CNTN3: variants seen among roughly 807,000 people sequenced by gnomAD.
CNTN3 encodes the protein contactin-3.
CNTN3 carries 60 observed loss-of-function variants against 119.1 expected under a neutral mutation model. The ratio of observed to expected loss-of-function variants is 0.50; its 90% CI spans 0.41 to 0.62. The LOEUF (loss-of-function observed/expected upper bound fraction) is 0.62. CNTN3 is among the 20% of genes least tolerant of loss of function. The pLI, the probability that CNTN3 is intolerant of heterozygous loss-of-function variation, is 0.00. For missense variants in CNTN3, 1,101 were observed against 1,242.4 expected, an observed-to-expected ratio of 0.89 and a Z score of 1.71; for synonymous variants, 450 against 438.7, an observed-to-expected ratio of 1.03 and a Z score of -0.32.
At chr3:74,402,923 T>C (rs545664169) in intron 5 of CNTN3, among the ~76,000 whole-genome samples, 87 of 152,224 alleles carry the variant, frequency 5.7e-4, no homozygotes, top group African/African-American at 2.0e-3. Context: ...GCCCTAACAC[T>C]GGGCATGGTG....
chr3:74,459,251 C>T (rs1322111834), intron 4 of CNTN3, among the ~76,000 whole-genome samples: 1 of 151,990 alleles, frequency 6.6e-6, no homozygotes, highest in Non-Finnish European at 1.5e-5. Flanking sequence ...TCACTATCAT[C>T]CTTCACTCAC....
chr3:74,324,019 A>C (rs890552513), intron 13 of CNTN3, among the ~76,000 whole-genome samples: 1 of 152,136 alleles, frequency 6.6e-6, no homozygotes. Context: ...TTTAAAAAAA[A>C]CCATATATTA....
intron 11 of CNTN3, among the ~76,000 whole-genome samples, chr3:74,346,763 ATCCATC>A (rs1423714223): frequency 6.6e-6 from 1 of 151,596 alleles, no homozygotes; most frequent in African/African-American, 2.4e-5. Context: ...CCATCCATCC[ATCCATC>A]CATCCATCCA....
chr3:74,320,314 T>A (rs1475546038), intron 13 of CNTN3, among the ~76,000 whole-genome samples: 1 of 152,182 alleles, frequency 6.6e-6, no homozygotes, highest in Non-Finnish European at 1.5e-5. Flanking sequence ...GTGGCACATA[T>A]ACATCATGGA....
At chr3:74,375,628 G>C (rs1704459413) in intron 5 of CNTN3, among the ~76,000 whole-genome samples, 1 of 152,062 alleles carries the variant, frequency 6.6e-6, no homozygotes, top group Non-Finnish European at 1.5e-5. Context: ...CACAGAACCA[G>C]GTATGGTAGT....
chr3:74,358,488 T>C (rs2106764478), intron 11 of CNTN3, among the ~76,000 whole-genome samples: 1 of 151,104 alleles, frequency 6.6e-6, no homozygotes. Context: ...TGCAGTTAAA[T>C]GTGGCCAGGG....
chr3:74,449,789 T>C (rs184255448), intron 4 of CNTN3, among the ~76,000 whole-genome samples: 109 of 152,222 alleles, frequency 7.2e-4, no homozygotes, highest in Middle Eastern at 6.8e-3. Flanking sequence ...TCAGAATGAA[T>C]AGCTGAATAC....
chr3:74,464,615 A>G (rs533020389), intron 4 of CNTN3, among the ~76,000 whole-genome samples: 213 of 152,304 alleles, frequency 1.4e-3, no homozygotes, highest in African/African-American at 4.9e-3. Flanking sequence ...AGTAGGTGGC[A>G]TCTGAAAAGT....
At chr3:74,305,762 T>C (rs1702550903) in intron 13 of CNTN3, among the ~76,000 whole-genome samples, 1 of 150,944 alleles carries the variant, frequency 6.6e-6, no homozygotes, top group Non-Finnish European at 1.5e-5. Context: ...ATCTTCTGTT[T>C]CTGTTTTCAG....
At chr3:74,364,332 G>A (rs1230717493) in intron 10 of CNTN3, 135 bp downstream of exon 10, 19 of 795,664 alleles carry the variant, frequency 2.4e-5, no homozygotes, top group Admixed American at 1.1e-4. Flanking sequence ...ATTAGAAACT[G>A]AATGATCGTG....
intron 13 of CNTN3, among the ~76,000 whole-genome samples, chr3:74,321,352 G>A (rs1164690085): frequency 6.6e-6 from 1 of 151,950 alleles, no homozygotes; most frequent in Non-Finnish European, 1.5e-5. Flanking sequence ...ATTAAAAAAA[G>A]ATTTTGAACT....
At chr3:74,477,822 C>T (rs1443599509) in intron 4 of CNTN3, among the ~76,000 whole-genome samples, 1 of 151,668 alleles carries the variant, frequency 6.6e-6, no homozygotes. Context: ...TATACACCTA[C>T]TATGTAGCCA....
At chr3:74,461,869 C>G (rs1702373868) in intron 4 of CNTN3, among the ~76,000 whole-genome samples, 1 of 152,054 alleles carries the variant, frequency 6.6e-6, no homozygotes, top group Non-Finnish European at 1.5e-5. Context: ...TTCAACATAA[C>G]TACAAGCAAT....
chr3:74,298,871 G>C (rs1395497579), intron 17 of CNTN3, among the ~76,000 whole-genome samples: 1 of 141,220 alleles, frequency 7.1e-6, no homozygotes, highest in Non-Finnish European at 1.5e-5. Context: ...CTGGGTGACA[G>C]AGAGAGACTC....
intron 19 of CNTN3, among the ~76,000 whole-genome samples, chr3:74,287,390 A>G (rs1235449253): frequency 6.6e-6 from 1 of 152,218 alleles, no homozygotes; most frequent in African/African-American, 2.4e-5. Flanking sequence ...ATTTAAATTT[A>G]AAAATGAAAT....
intron 2 of CNTN3, among the ~76,000 whole-genome samples, chr3:74,514,789 G>GTA (rs1279189825): frequency 2.6e-5 from 4 of 152,016 alleles, no homozygotes; most frequent in Non-Finnish European, 5.9e-5. Context: ...CTCAGACTTA[G>GTA]TATTGGTTGA....
intron 5 of CNTN3, among the ~76,000 whole-genome samples, chr3:74,372,568 G>A (rs1704368219): frequency 6.6e-6 from 1 of 151,404 alleles, no homozygotes; most frequent in Non-Finnish European, 1.5e-5. Flanking sequence ...ATTCATTACT[G>A]TAGTGCTTTC....
At chr3:74,352,800 A>G (rs1703847967) in intron 11 of CNTN3, among the ~76,000 whole-genome samples, 1 of 152,218 alleles carries the variant, frequency 6.6e-6, no homozygotes, top group Non-Finnish European at 1.5e-5. Context: ...TTCAACAGTT[A>G]GAAATTCAAG....
intron 4 of CNTN3, among the ~76,000 whole-genome samples, chr3:74,465,392 A>T (rs1408924778): frequency 1.3e-5 from 2 of 152,120 alleles, no homozygotes; most frequent in Non-Finnish European, 1.5e-5. Flanking sequence ...TTGGTACATG[A>T]TTTAAAACAA....
Sources: allele counts gnomAD v4.1 joint callset (sites outside exome capture counted in the v4.1 genomes callset), GRCh38; gene constraint gnomAD v4.1.1; transcripts MANE v1.5; gene names NCBI Gene and HGNC (gene_info 2026-07-23, HGNC 2026-07-21).